The following CFAP69 variants were observed in gnomAD, a reference collection of about 807,000 sequenced individuals.
CFAP69 encodes the protein cilia and flagella associated protein 69.
In CFAP69, 92 loss-of-function variants were observed where a neutral mutation model predicts 123.0. The observed-to-expected ratio is 0.75, with a 90% confidence interval of 0.63 to 0.89. The LOEUF (loss-of-function observed/expected upper bound fraction) is 0.89. Ranked by LOEUF, CFAP69 falls within the 40% of genes least tolerant of loss-of-function variation. CFAP69 has a pLI of 0.00. For synonymous variants in CFAP69, 380 were observed against 364.3 expected, an observed-to-expected ratio of 1.04 and a Z score of -0.49; for missense variants, 1,067 against 1,096.9, an observed-to-expected ratio of 0.97 and a Z score of 0.39.
At position 90,279,304 on chromosome 7, in the gene CFAP69, C is replaced by T. The variant is rs984109955; in HGVS notation, c.1156-373C>T. 1.1e-4 allele frequency among the ~76,000 whole-genome samples: 16 copies of T among 151,918 alleles called. 1 individual carries two copies. Among genetic ancestry groups the T allele is most frequent in the African/African-American group, 3.9e-4 (16 of 41,358 alleles). ...AGGAAAGAGATGTCAGCACTTGCCCCAAAATATTCTATGTTTTATTGTACG... is the reference window on the plus strand; with the variant it reads ...AGGAAAGAGATGTCAGCACTTGCCCTAAAATATTCTATGTTTTATTGTACG... On this transcript the variant is annotated intron_variant, in intron 11 of 22. Transcript: ENST00000389297.
In CFAP69 at chr7:90,265,407, A is replaced by G. The variant is rs1799015480; in HGVS notation, c.433+30A>G. 7 of 1,456,290 alleles carry G rather than the reference A, an allele frequency of 4.8e-6. No individual in the cohort carries two copies. The East Asian group carries it at 1.6e-4, about 33-fold the overall frequency. 90.2% of individuals were successfully genotyped at this position (1,456,290 alleles called of 1,614,324 possible). ...GTTAAGATTTCCTTAAGGTATAGGG[A>G]TGTAACATACGACAGGTCCTACTGA... On this transcript the variant is annotated intron_variant, in intron 5 of 22. Coordinates refer to ENST00000389297, the MANE Select transcript of CFAP69 (RefSeq NM_001039706.3).
At chr7:90,307,231 C>G (rs1440921268) in intron 20 of CFAP69, 133 bp downstream of exon 20, 1 of 689,494 alleles carries the variant, frequency 1.5e-6, no homozygotes, top group Non-Finnish European at 2.5e-6. Flanking sequence ...ATTTATTGTA[C>G]ATTTCAAAAT....
intron 8 of CFAP69, among the ~76,000 whole-genome samples, chr7:90,273,157 A>T (rs1436655540): frequency 6.6e-6 from 1 of 152,194 alleles, no homozygotes; most frequent in Non-Finnish European, 1.5e-5. Context: ...GACAAACAGG[A>T]CTTGGTAACA....
intron 4 of CFAP69, among the ~76,000 whole-genome samples, chr7:90,264,105 ATATAT>A (rs1368791316): frequency 0.011 from 756 of 71,226 alleles, 53 homozygotes; most frequent in African/African-American, 0.026. Context: ...AAAAAAAAAA[ATATAT>A]ATATATATAT....
chr7:90,264,008 G>A (rs906263097), intron 4 of CFAP69, among the ~76,000 whole-genome samples: 23 of 149,554 alleles, frequency 1.5e-4, no homozygotes, highest in Admixed American at 1.0e-3. Flanking sequence ...GGAGAATGGC[G>A]TGAACCCAGA....
intron 16 of CFAP69, among the ~76,000 whole-genome samples, chr7:90,298,263 G>A (rs1331467393): frequency 6.6e-6 from 1 of 152,136 alleles, no homozygotes; most frequent in Non-Finnish European, 1.5e-5. Flanking sequence ...ATTATTTGGA[G>A]GTAACCTGAA....
chr7:90,285,537 G>C (rs2117120686), intron 13 of CFAP69, among the ~76,000 whole-genome samples: 1 of 152,276 alleles, frequency 6.6e-6, no homozygotes, highest in East Asian at 1.9e-4. Context: ...GCAAAAGAGG[G>C]ATTTTAAAGG....
At chr7:90,323,376 A>G in the CFAP69 span, among the ~76,000 whole-genome samples, 1 of 152,204 alleles carries the variant, frequency 6.6e-6, no homozygotes, top group African/African-American at 2.4e-5. Flanking sequence ...AAGAAGAAAG[A>G]AGAGAAAGAG....
chr7:90,306,114 TGG>T (rs5885721), intron 19 of CFAP69, among the ~76,000 whole-genome samples: 12 of 111,558 alleles, frequency 1.1e-4, no homozygotes, highest in South Asian at 6.4e-4. Flanking sequence ...AGCTTTTTAT[TGG>T]GGGGGGGCGG....
intron 15 of CFAP69, among the ~76,000 whole-genome samples, chr7:90,290,785 CTTTT>C (rs1791042987): frequency 7.7e-6 from 1 of 129,698 alleles, no homozygotes; most frequent in Admixed American, 7.9e-5. Flanking sequence ...CTTTTCTTTT[CTTTT>C]CTTTTCTTTT....
downstream of CFAP69, among the ~76,000 whole-genome samples, chr7:90,314,972 G>A (rs931465471): frequency 6.6e-6 from 1 of 151,958 alleles, no homozygotes; most frequent in Admixed American, 6.6e-5. Context: ...TTCAAAAGAT[G>A]TCATACATGG....
rs777182290 is a variant in CFAP69 at position 90,299,877 on chromosome 7, A to G, written c.1868A>G (p.Lys623Arg). ...LLLDLLALNQ[K>R]KFCNLILGIM... ...GTTTCCTTGCTAAAGTTGAACCAAA[A>G]AAAATTCTGTAATCTAATACTTGGA... is the stretch of plus-strand genomic sequence containing the variant. The change falls in exon 17 of 23, where the codon AAA becomes AGA. Residue 623 changes from lysine (K) to arginine (R), a missense_variant. Physicochemically the swap from Lys to Arg is conservative, Grantham distance 26. Transcript: ENST00000389297. The G allele has an allele frequency of 6.2e-7, 1 of 1,601,460 alleles. No individual in the cohort carries two copies. The highest frequency in any genetic ancestry group is 1.7e-4 in the Middle Eastern group (1 of 5,930).
intron 17 of CFAP69, chr7:90,301,158 G>A (rs975512107): frequency 2.0e-5 from 3 of 151,866 alleles, no homozygotes; most frequent in Non-Finnish European, 4.4e-5. Flanking sequence ...TTTAATTAGA[G>A]ACAGGGTTTC....
intron 15 of CFAP69, among the ~76,000 whole-genome samples, chr7:90,292,040 T>C (rs1791283089): frequency 2.0e-5 from 3 of 152,114 alleles, no homozygotes; most frequent in South Asian, 2.1e-4. Flanking sequence ...TCTTGAAACA[T>C]ATTTCTCTCT....
chr7:90,269,062 A>C (rs1295912730), intron 6 of CFAP69: 1 of 150,710 alleles, frequency 6.6e-6, no homozygotes, highest in East Asian at 1.9e-4. Context: ...AATGGGAACC[A>C]GAAGTCAGTT....
intron 4 of CFAP69, among the ~76,000 whole-genome samples, chr7:90,262,336 T>G (rs941693417): frequency 6.6e-6 from 1 of 152,194 alleles, no homozygotes; most frequent in African/African-American, 2.4e-5. Flanking sequence ...ACCAAGGAAT[T>G]ATAGTATTTT....
chr7:90,266,412 A>AT (rs1237309523), intron 5 of CFAP69, among the ~76,000 whole-genome samples: 1 of 152,152 alleles, frequency 6.6e-6, no homozygotes, highest in Non-Finnish European at 1.5e-5. Flanking sequence ...AATCTCTATC[A>AT]TCAGCAGAAA....
intron 8 of CFAP69, 164 bp downstream of exon 8, chr7:90,272,122 C>T: frequency 1.8e-6 from 1 of 566,594 alleles, no homozygotes; most frequent in Non-Finnish European, 2.8e-6. Flanking sequence ...TGAATCTGCA[C>T]AATAACAAGC....
intron 3 of CFAP69, among the ~76,000 whole-genome samples, chr7:90,260,218 C>T (rs752224222): frequency 6.6e-6 from 1 of 152,112 alleles, no homozygotes; most frequent in Non-Finnish European, 1.5e-5. Flanking sequence ...GAACAGTTGT[C>T]TGACTTGGTC....
Sources: gnomAD v4.1 joint callset for allele counts (sites outside exome capture counted in the v4.1 genomes callset) on GRCh38, gnomAD v4.1.1 for gene constraint, MANE v1.5 for transcripts, NCBI Gene and HGNC (gene_info 2026-07-23, HGNC 2026-07-21) for gene names.